SEMA5A: variants seen among roughly 807,000 people sequenced by gnomAD.
SEMA5A encodes the protein semaphorin-5A.
In SEMA5A, 55 loss-of-function variants were observed where a neutral mutation model predicts 135.5. The observed-to-expected ratio is 0.41, with a 90% CI of 0.33 to 0.51. The LOEUF (loss-of-function observed/expected upper bound fraction) is 0.51, where lower values mean the gene tolerates loss of function less well. Among genes scored for constraint, SEMA5A ranks in the 20% least tolerant of loss-of-function variants. The probability of loss-of-function intolerance (pLI) is 0.37; values close to 1 mark genes in which losing one functional copy is unlikely to be tolerated. For missense variants in SEMA5A, 1,290 were observed against 1,419.9 expected (o/e 0.91, Z 1.47); for synonymous variants, 580 against 546.5 (o/e 1.06, Z -0.85).
At chr5:9,194,272 C>T (rs1745271926) in intron 10 of SEMA5A, among the ~76,000 whole-genome samples, 1 of 152,142 alleles carries the variant, frequency 6.6e-6, no homozygotes, top group African/African-American at 2.4e-5. Context: ...CTTTTTGTTG[C>T]TTTGTTACTG....
At position 9,300,095 on chromosome 5, in the gene SEMA5A, T is replaced by A. The variant is rs150674436; in HGVS notation, c.270+18277A>T. Reference sequence around the variant, plus strand: ...AGACTGGGGTGCACTGGCACTATCATGGCTCACTGCAGCATCGAGCTCCCC... The same window carrying A: ...AGACTGGGGTGCACTGGCACTATCAAGGCTCACTGCAGCATCGAGCTCCCC... On this transcript the variant is annotated intron_variant, in intron 5 of 22. Transcript: ENST00000382496. Among the ~76,000 whole-genome samples the A allele has an allele frequency of 4.6e-5, 7 of 152,302 alleles. No homozygotes were observed. In the East Asian group the frequency reaches 1.2e-3, roughly 25 times the overall value.
intron 3 of SEMA5A, among the ~76,000 whole-genome samples, chr5:9,373,788 C>T (rs948400877): frequency 6.6e-6 from 1 of 152,180 alleles, no homozygotes; most frequent in Non-Finnish European, 1.5e-5. Flanking sequence ...CAGCATGACT[C>T]ACATCACTGG....
At chr5:9,090,936 T>C (rs1057397300) in intron 16 of SEMA5A, among the ~76,000 whole-genome samples, 1 of 152,168 alleles carries the variant, frequency 6.6e-6, no homozygotes, top group African/African-American at 2.4e-5. Flanking sequence ...ATAAATGAAA[T>C]GTCTGCAAAG....
intron 21 of SEMA5A, among the ~76,000 whole-genome samples, chr5:9,045,016 C>A (rs1218724068): frequency 1.3e-5 from 2 of 152,092 alleles, no homozygotes; most frequent in East Asian, 3.9e-4. Flanking sequence ...AACTCCCAAC[C>A]TCAGATGATC....
chr5:9,123,964 G>A lies in SEMA5A; in HGVS notation c.1600-1127C>T, dbSNP rs139083816. On this transcript the variant is annotated intron_variant, in intron 13 of 22. Transcript: ENST00000382496. Reference sequence around the variant, plus strand: ...GGAAGAGCAACGAGGAGCCTGTGTTGAGTCTTAAAAAGTGAAGAAAGAGCC... The same window carrying A: ...GGAAGAGCAACGAGGAGCCTGTGTTAAGTCTTAAAAAGTGAAGAAAGAGCC... Among the ~76,000 whole-genome samples the A allele has an allele frequency of 3.0e-4, 46 of 152,250 alleles. No homozygotes were observed. In the Middle Eastern group the frequency reaches 0.014, roughly 45 times the overall value.
At chr5:9,093,744 C>T (rs754808522) in intron 16 of SEMA5A, among the ~76,000 whole-genome samples, 5 of 152,086 alleles carry the variant, frequency 3.3e-5, no homozygotes, top group Non-Finnish European at 7.4e-5. Flanking sequence ...TGTGCACCCC[C>T]ATGCCTGGTA....
chr5:9,226,850 G>A lies in SEMA5A; in HGVS notation c.432+19C>T. On this transcript the variant is annotated intron_variant, in intron 7 of 22. Transcript: ENST00000382496. ...TCTTCTGATATTAAATTCTTTTGAGGCACAAAAAGAAGCCATACCGAGCGG... is the reference window on the plus strand; with the variant it reads ...TCTTCTGATATTAAATTCTTTTGAGACACAAAAAGAAGCCATACCGAGCGG... The A allele has an allele frequency of 6.3e-7, 1 of 1,580,786 alleles. No homozygotes were observed. The highest frequency in any genetic ancestry group is 8.7e-7 in the Non-Finnish European group (1 of 1,155,766).
In SEMA5A at chr5:9,430,578, C is replaced by T. The variant is rs186278840; in HGVS notation, c.-78+7178G>A. On this transcript the variant is annotated intron_variant, in intron 2 of 22. Transcript: ENST00000382496. ...AAAGCCCAGAGATATGAGGTCAGGC[C>T]AGAGAAATGGAGCATCCTAAAGCCA... 2.0e-5 allele frequency among the ~76,000 whole-genome samples: 3 copies of T among 152,132 alleles called. No individual in the cohort carries two copies. The South Asian group carries it at 6.2e-4, about 32-fold the overall frequency.
rs559695368 is a variant in SEMA5A at position 9,399,111 on chromosome 5, A to AAGAAAAT, written c.-77-19095_-77-19089dup. Among the ~76,000 whole-genome samples the AAGAAAAT allele has an allele frequency of 1.6e-3, 241 of 152,350 alleles. 1 individual carries two copies. Among genetic ancestry groups the AAGAAAAT allele is most frequent in the African/African-American group, 5.6e-3 (233 of 41,580 alleles). On this transcript the variant is annotated intron_variant, in intron 2 of 22. Transcript: ENST00000382496. The stretch of plus-strand genomic sequence containing the variant: ...CACTCCTATGTCTATATCTAAGAGA[A>AAGAAAAT]AGAAAATATCTGTTCACATAAAACT...
chr5:9,062,815 G>A (rs1022288498), intron 18 of SEMA5A, 72 bp downstream of exon 18: 121 of 1,486,612 alleles, frequency 8.1e-5, no homozygotes, highest in Non-Finnish European at 1.1e-4. Context: ...GCTGCGTGAG[G>A]CCTGGTAAAT....
At chr5:9,186,653 T>C (rs1041069057) in intron 11 of SEMA5A, among the ~76,000 whole-genome samples, 1 of 152,234 alleles carries the variant, frequency 6.6e-6, no homozygotes, top group African/African-American at 2.4e-5. Context: ...CTAGCATGTG[T>C]GCTCAATATC....
Position 9,136,511 on chromosome 5 carries a change from G to A in SEMA5A, c.1592C>T (p.Ala531Val), listed in dbSNP as rs202102793. 22 of 1,613,432 alleles carry A rather than the reference G, an allele frequency of 1.4e-5. No homozygotes were observed. The highest frequency in any genetic ancestry group is 1.6e-4 in the Middle Eastern group (1 of 6,062). Residue 531 changes from alanine (A) to valine (V), a missense_variant, in exon 13 of 23, where the codon GCG (alanine) becomes GTG (valine). Coordinates refer to ENST00000382496, the MANE Select transcript of SEMA5A (RefSeq NM_003966.3). ...SMTQWEQSIS[A>V]CPTRNLTVDG... is the part of the protein sequence containing the mutation. ...GAGAAGGTGGGCACTCACCGGACAC[G>A]CAGAGATGCTCTGTTCCCACTGCGT...
intron 1 of SEMA5A, among the ~76,000 whole-genome samples, chr5:9,481,082 A>G (rs1759859611): frequency 6.6e-6 from 1 of 151,954 alleles, no homozygotes; most frequent in Non-Finnish European, 1.5e-5. Flanking sequence ...AGTAGCGGGG[A>G]TTACAGGTGC....
intron 2 of SEMA5A, among the ~76,000 whole-genome samples, chr5:9,423,112 AAGG>A (rs1220182002): frequency 1.3e-5 from 2 of 152,166 alleles, no homozygotes; most frequent in Non-Finnish European, 1.5e-5. Flanking sequence ...TGCAGCAGAG[AAGG>A]AGAATCACAT....
chr5:9,280,762 A>G, intron 5 of SEMA5A: 1 of 412,424 alleles, frequency 2.4e-6, no homozygotes, highest in Non-Finnish European at 4.8e-6. Context: ...CTAAGATGAG[A>G]ACATCACTGA....
chr5:9,233,362 A>G (rs867487093), intron 6 of SEMA5A, among the ~76,000 whole-genome samples: 5 of 152,344 alleles, frequency 3.3e-5, no homozygotes, highest in Middle Eastern at 3.4e-3. Flanking sequence ...AAGATACTTA[A>G]GTAGTTATAG....
chr5:9,304,600 T>C (rs2150622701), intron 5 of SEMA5A, among the ~76,000 whole-genome samples: 1 of 152,328 alleles, frequency 6.6e-6, no homozygotes, highest in Admixed American at 6.5e-5. Flanking sequence ...CTGGTTTATT[T>C]ATGTATTTTT....
At chr5:9,331,138 T>G (rs1753113161) in intron 4 of SEMA5A, among the ~76,000 whole-genome samples, 1 of 152,266 alleles carries the variant, frequency 6.6e-6, no homozygotes, top group African/African-American at 2.4e-5. Flanking sequence ...GAATCGCTGA[T>G]CTGATAAACA....
chr5:9,445,745 G>C (rs1178326626), intron 1 of SEMA5A, among the ~76,000 whole-genome samples: 1 of 152,152 alleles, frequency 6.6e-6, no homozygotes, highest in Non-Finnish European at 1.5e-5. Context: ...AGAACACCTG[G>C]AGACCAGTCC....
Sources: allele counts gnomAD v4.1 joint callset (sites outside exome capture counted in the v4.1 genomes callset), GRCh38; gene constraint gnomAD v4.1.1; transcripts MANE v1.5; gene names NCBI Gene and HGNC (gene_info 2026-07-23, HGNC 2026-07-21).